NAV2: variants seen among roughly 807,000 people sequenced by gnomAD.
NAV2 encodes the protein helicase, APC down-regulated 1.
Under a neutral mutation model 223.2 loss-of-function variants are expected in NAV2, and 54 were observed. The ratio of observed to expected loss-of-function variants is 0.24; its 90% confidence interval spans 0.19 to 0.30. NAV2 has a LOEUF of 0.30. NAV2 is among the 10% of genes least tolerant of loss of function. The probability of loss-of-function intolerance (pLI) is 1.00; values close to 1 mark genes in which losing one functional copy is unlikely to be tolerated. For synonymous variants in NAV2, 1,279 were observed against 1,239.3 expected (o/e 1.03, Z -0.67); for missense variants, 2,806 against 3,147.5 (o/e 0.89, Z 2.60).
At chr11:19,654,129 C>T (rs577064459) in intron 1 of NAV2, among the ~76,000 whole-genome samples, 1 of 152,266 alleles carries the variant, frequency 6.6e-6, no homozygotes, top group South Asian at 2.1e-4. Flanking sequence ...CATGAGTGAA[C>T]TCCCATTCAC....
chr11:19,741,687 G>GTATATA (rs1156844957), intron 1 of NAV2, among the ~76,000 whole-genome samples: 24 of 21,050 alleles, frequency 1.1e-3, no homozygotes, highest in African/African-American at 2.0e-3. Context: ...GTGTGTGTGT[G>GTATATA]TATATATATA....
chr11:20,055,979 G>T, intron 19 of NAV2, 22 bp downstream of exon 19: 1 of 1,603,412 alleles, frequency 6.2e-7, no homozygotes, highest in Non-Finnish European at 8.5e-7. Context: ...AAGGAAGAAG[G>T]TAAGGAAGGA....
At chr11:19,424,549 T>C (rs929814267) in intron 1 of NAV2, among the ~76,000 whole-genome samples, 2 of 152,056 alleles carry the variant, frequency 1.3e-5, no homozygotes, top group Non-Finnish European at 1.5e-5. Context: ...TCAGTGTTTT[T>C]TTGTTTGTTT....
At chr11:19,517,762 C>T (rs2043504411) in intron 1 of NAV2, among the ~76,000 whole-genome samples, 2 of 152,190 alleles carry the variant, frequency 1.3e-5, no homozygotes, top group Non-Finnish European at 2.9e-5. Flanking sequence ...CCCCTAAGAC[C>T]CTTTGCAGGT....
chr11:19,591,792 A>G (rs2135148750), intron 1 of NAV2, among the ~76,000 whole-genome samples: 1 of 152,336 alleles, frequency 6.6e-6, no homozygotes, highest in Admixed American at 6.5e-5. Context: ...AGGTCCTGAA[A>G]TGGAAGATCT....
At chr11:19,761,535 G>T (rs900370786) in intron 1 of NAV2, among the ~76,000 whole-genome samples, 1 of 152,116 alleles carries the variant, frequency 6.6e-6, no homozygotes, top group Non-Finnish European at 1.5e-5. Context: ...CAGCACAATA[G>T]CCAACACAAA....
Position 20,044,031 on chromosome 11 carries a change from T to G in NAV2, c.2958T>G (p.Gly986=), listed in dbSNP as rs1281300164. 6.2e-7 allele frequency: 1 copy of G among 1,613,988 alleles called. No individual in the cohort carries two copies. The highest frequency in any genetic ancestry group is 1.7e-5 in the Admixed American group (1 of 60,000). The change falls in exon 13 of 38, where the codon GGT becomes GGG. Residue 986 remains glycine, a synonymous_variant. Transcript: ENST00000349880. ...SQVERNSLWS[G]DDVKKSDGGS... is the part of the protein sequence containing the mutation. Reference sequence around the variant, plus strand: ...TGGAGAGGAATTCCCTGTGGTCTGGTGATGATGTCAAGAAATCAGACGGAG... The same window carrying G: ...TGGAGAGGAATTCCCTGTGGTCTGGGGATGATGTCAAGAAATCAGACGGAG...
rs546595766 is a variant in NAV2 at position 20,029,174 on chromosome 11, A to C, written c.2769-6785A>C. Among the ~76,000 whole-genome samples, 33 of 152,332 alleles carry C rather than the reference A, an allele frequency of 2.2e-4. No individual in the cohort carries two copies. In the South Asian group the frequency reaches 6.6e-3, roughly 31 times the overall value. Reference sequence around the variant, plus strand: ...CCAACTTTTCTCTGAGCATAAATGTAAAGGACGTCCGTTGGAAAGGAACCT... The same window carrying C: ...CCAACTTTTCTCTGAGCATAAATGTCAAGGACGTCCGTTGGAAAGGAACCT... On this transcript the variant is annotated intron_variant, in intron 11 of 37. Transcript: ENST00000349880.
chr11:19,595,927 A>G lies in NAV2; in HGVS notation c.76-236557A>G, dbSNP rs867713800. 2.0e-5 allele frequency among the ~76,000 whole-genome samples: 3 copies of G among 152,312 alleles called. No homozygotes were observed. In the Middle Eastern group the frequency reaches 0.01, roughly 518 times the overall value. ...AGTAAAAAATGTATTTTATATCACA[A>G]TTCCGCTCCCAAACACACTTACACT... On this transcript the variant is annotated intron_variant, in intron 1 of 37. Transcript: ENST00000360655.
At chr11:19,633,470 T>G (rs77533648) in intron 1 of NAV2, among the ~76,000 whole-genome samples, 1,946 of 152,384 alleles carry the variant, frequency 0.013, 47 homozygotes, top group East Asian at 0.064. Context: ...GGTCAGTGGT[T>G]GCCTGGAGAT....
chr11:19,713,516 A>C lies in NAV2; in HGVS notation c.-180A>C. On this transcript the variant is annotated 5_prime_UTR_variant, in exon 1 of 38. Coordinates refer to ENST00000349880, the MANE Select transcript of NAV2 (RefSeq NM_145117.5). This position sits in a 1 kb window ranked among gnomAD's most constrained non-coding sequence, Gnocchi z 7.2. ...CCCCCATTCCCATCCCGGCACCCCA[A>C]AGGCGCGCTCGCCCGATTGCTTCGA... 1 of 1,390,904 alleles carries C rather than the reference A, an allele frequency of 7.2e-7. No homozygotes were observed. Among genetic ancestry groups the C allele is most frequent in the Non-Finnish European group, 9.3e-7 (1 of 1,078,008 alleles). The allele number at this position is 1,390,904 out of a possible 1,614,324, so 86.2% of individuals were successfully genotyped here. A position where few individuals can be genotyped will look rare whatever the true frequency, so the allele number is the denominator to read the frequency against.
chr11:19,916,175 T>C (rs1405963022), intron 6 of NAV2, among the ~76,000 whole-genome samples: 1 of 152,154 alleles, frequency 6.6e-6, no homozygotes, highest in South Asian at 2.1e-4. Flanking sequence ...GAAAAGGAAA[T>C]AAACTAATGT....
chr11:19,464,868 G>A (rs1852295114), intron 1 of NAV2, among the ~76,000 whole-genome samples: 2 of 152,210 alleles, frequency 1.3e-5, no homozygotes, highest in African/African-American at 4.8e-5. Flanking sequence ...TTTTCAGGGA[G>A]CATTTAATTT....
chr11:19,599,286 C>A (rs2046293062), intron 1 of NAV2, among the ~76,000 whole-genome samples: 1 of 152,174 alleles, frequency 6.6e-6, no homozygotes, highest in African/African-American at 2.4e-5. Flanking sequence ...AGTGGAATTG[C>A]AAATGGTTTG....
At chr11:19,965,743 A>G (rs2048720662) in intron 10 of NAV2, among the ~76,000 whole-genome samples, 1 of 152,230 alleles carries the variant, frequency 6.6e-6, no homozygotes, top group Admixed American at 6.5e-5. Context: ...AAATTACTCC[A>G]TAATGTAGCT....
At chr11:19,454,245 G>A (rs2133812743) in intron 1 of NAV2, among the ~76,000 whole-genome samples, 1 of 152,320 alleles carries the variant, frequency 6.6e-6, no homozygotes, top group East Asian at 1.9e-4. Context: ...GGGTTGTTTT[G>A]ATGATACTGG....
intron 6 of NAV2, among the ~76,000 whole-genome samples, chr11:19,896,863 C>T (rs549191276): frequency 6.6e-6 from 1 of 152,276 alleles, no homozygotes; most frequent in Admixed American, 6.5e-5. Context: ...ACCATTTGAC[C>T]CAGCTATCCC....
At chr11:19,988,681 C>G (rs1282709339) in intron 11 of NAV2, among the ~76,000 whole-genome samples, 2 of 152,148 alleles carry the variant, frequency 1.3e-5, no homozygotes, top group Non-Finnish European at 2.9e-5. Flanking sequence ...CACTCAGAGG[C>G]GTCCCAGTTT....
Position 19,479,474 on chromosome 11 carries a change from C to T in NAV2, c.75+128447C>T, listed in dbSNP as rs7107906. 6.6e-3 allele frequency among the ~76,000 whole-genome samples: 1,000 copies of T among 152,194 alleles called. 9 individuals carry two copies. Among genetic ancestry groups the T allele is most frequent in the African/African-American group, 0.023 (935 of 41,500 alleles). ...GCTAAGTGCTTTATGTATATCCTTT[C>T]CATAAACCGTCCTGTTAATTCCCAC... On this transcript the variant is annotated intron_variant, in intron 1 of 37. Transcript: ENST00000360655.
Sources: allele counts gnomAD v4.1 joint callset (sites outside exome capture counted in the v4.1 genomes callset), GRCh38; gene constraint gnomAD v4.1.1; non-coding constraint Gnocchi (gnomAD v3.1); transcripts MANE v1.5; gene names NCBI Gene and HGNC (gene_info 2026-07-23, HGNC 2026-07-21).